The following LHFPL3 variants were observed in gnomAD, a reference collection of about 807,000 sequenced individuals.
The protein encoded by LHFPL3 is LHFPL tetraspan subfamily member 3.
Under a neutral mutation model 19.3 loss-of-function variants are expected in LHFPL3, and 5 were observed. The observed-to-expected ratio is 0.26, with a 90% CI of 0.14 to 0.54. The LOEUF is 0.54. Ranked by LOEUF, LHFPL3 falls within the 20% of genes least tolerant of loss-of-function variation. The pLI, the probability that LHFPL3 is intolerant of heterozygous loss-of-function variation, is 0.94. For synonymous variants in LHFPL3, 133 were observed against 126.2 expected (o/e 1.05, Z -0.36); for missense variants, 249 against 307.4 (o/e 0.81, Z 1.42).
At chr7:104,391,701 G>T (rs560317623) in intron 1 of LHFPL3, among the ~76,000 whole-genome samples, 8 of 152,276 alleles carry the variant, frequency 5.3e-5, no homozygotes, top group African/African-American at 1.9e-4. Flanking sequence ...CTTTAAAGTA[G>T]TTTTTTCCAA....
intron 2 of LHFPL3, among the ~76,000 whole-genome samples, chr7:104,846,491 A>T (rs558027204): frequency 6.6e-6 from 1 of 152,260 alleles, no homozygotes; most frequent in South Asian, 2.1e-4. Context: ...GTTTAGAAAC[A>T]GAATTCTAGA....
intron 1 of LHFPL3, among the ~76,000 whole-genome samples, chr7:104,332,260 C>G (rs1005594868): frequency 1.1e-4 from 13 of 114,122 alleles, no homozygotes; most frequent in African/African-American, 4.5e-4. Context: ...GATGGAGTCT[C>G]GCTCTGTCAC....
At chr7:104,362,705 C>T (rs1461847002) in intron 1 of LHFPL3, among the ~76,000 whole-genome samples, 2 of 152,158 alleles carry the variant, frequency 1.3e-5, no homozygotes, top group Non-Finnish European at 2.9e-5. Context: ...AATGGGAGAC[C>T]AGAGTTTTAT....
intron 1 of LHFPL3, among the ~76,000 whole-genome samples, chr7:104,690,569 G>A (rs188829653): frequency 2.0e-5 from 3 of 152,342 alleles, no homozygotes; most frequent in East Asian, 1.9e-4. Flanking sequence ...TTGCGTGCCA[G>A]GGGATAGGAA....
At chr7:104,764,997 G>C (rs2116381864) in intron 2 of LHFPL3, among the ~76,000 whole-genome samples, 1 of 152,270 alleles carries the variant, frequency 6.6e-6, no homozygotes, top group Admixed American at 6.5e-5. Flanking sequence ...TTGGAGTGAG[G>C]GTTGGGGAAG....
intron 2 of LHFPL3, among the ~76,000 whole-genome samples, chr7:104,778,075 G>A (rs1794660857): frequency 1.3e-5 from 2 of 152,204 alleles, no homozygotes; most frequent in Admixed American, 6.5e-5. Flanking sequence ...TGCTTTGGAA[G>A]AAGAAGAAGT....
intron 1 of LHFPL3, among the ~76,000 whole-genome samples, chr7:104,510,467 A>G (rs1793788289): frequency 6.6e-6 from 1 of 152,162 alleles, no homozygotes; most frequent in Non-Finnish European, 1.5e-5. Flanking sequence ...AACAAATGGT[A>G]CTGGAGCAAC....
At position 104,392,903 on chromosome 7, in the gene LHFPL3, G is replaced by C. The variant is rs1383880988; in HGVS notation, c.445+63679G>C. ...CTATTTAGGGATTCAACTTCTTCCTGGTTTAGTCTTGGGAGAGTGTATGTG... is the reference window on the plus strand; with the variant it reads ...CTATTTAGGGATTCAACTTCTTCCTCGTTTAGTCTTGGGAGAGTGTATGTG... On this transcript the variant is annotated intron_variant, in intron 1 of 2. Coordinates refer to ENST00000424859, the MANE Select transcript of LHFPL3 (RefSeq NM_199000.3). Among the ~76,000 whole-genome samples, 3 of 152,140 alleles carry C rather than the reference G, an allele frequency of 2.0e-5. No individual in the cohort carries two copies. In the East Asian group the frequency reaches 5.8e-4, roughly 29 times the overall value.
intron 1 of LHFPL3, among the ~76,000 whole-genome samples, chr7:104,352,922 G>A (rs1220172237): frequency 6.6e-6 from 1 of 152,122 alleles, no homozygotes; most frequent in Non-Finnish European, 1.5e-5. Context: ...AGAAAAACTC[G>A]AAAGTTGGCA....
At chr7:104,597,121 T>A (rs1331392769) in intron 1 of LHFPL3, among the ~76,000 whole-genome samples, 1 of 152,236 alleles carries the variant, frequency 6.6e-6, no homozygotes, top group Non-Finnish European at 1.5e-5. Context: ...ACAAATGGAT[T>A]CATAATGATG....
intron 1 of LHFPL3, among the ~76,000 whole-genome samples, chr7:104,434,418 G>T (rs1407882179): frequency 6.6e-6 from 1 of 152,162 alleles, no homozygotes; most frequent in African/African-American, 2.4e-5. Context: ...AATTTTTCTG[G>T]GGATGACATG....
rs147603892 is a variant in LHFPL3, at chr7:104,718,777, C to T, written c.446-17898C>T. Among the ~76,000 whole-genome samples the T allele has an allele frequency of 1.7e-3, 264 of 152,258 alleles. 1 individual carries two copies. Among genetic ancestry groups the T allele is most frequent in the African/African-American group, 5.7e-3 (238 of 41,576 alleles). Reference sequence around the variant, plus strand: ...ATAAGCTAAATAGTAGGTAACCACTCAATAATCTGGACCCAGGCTCCCTGT... The same window carrying T: ...ATAAGCTAAATAGTAGGTAACCACTTAATAATCTGGACCCAGGCTCCCTGT... On this transcript the variant is annotated intron_variant, in intron 1 of 2. Transcript: ENST00000424859.
At chr7:104,508,451 G>A (rs948755889) in intron 1 of LHFPL3, among the ~76,000 whole-genome samples, 23 of 115,972 alleles carry the variant, frequency 2.0e-4, no homozygotes, top group African/African-American at 7.5e-4. Flanking sequence ...ACACTCTGGG[G>A]ACTATTGTGG....
intron 1 of LHFPL3, among the ~76,000 whole-genome samples, chr7:104,590,127 A>G (rs1790677992): frequency 6.6e-6 from 1 of 151,786 alleles, no homozygotes; most frequent in South Asian, 2.1e-4. Context: ...TTCTGCTCTC[A>G]TCTTAGTTAT....
chr7:104,591,702 A>C (rs1161825738), intron 1 of LHFPL3, among the ~76,000 whole-genome samples: 1 of 152,150 alleles, frequency 6.6e-6, no homozygotes, highest in Non-Finnish European at 1.5e-5. Context: ...TAATGTCCTG[A>C]AGAGTGTTTT....
chr7:104,724,531 C>A (rs1032441152), intron 1 of LHFPL3, among the ~76,000 whole-genome samples: 3 of 152,076 alleles, frequency 2.0e-5, no homozygotes, highest in African/African-American at 7.2e-5. Flanking sequence ...GGGATAAAGT[C>A]TTTCACTTTA....
At chr7:104,553,156 T>C (rs1170587746) in intron 1 of LHFPL3, among the ~76,000 whole-genome samples, 2 of 152,210 alleles carry the variant, frequency 1.3e-5, no homozygotes, top group Non-Finnish European at 2.9e-5. Flanking sequence ...TATTTTGATC[T>C]TGAATCTAAA....
At chr7:104,650,937 C>T (rs1298856172) in intron 1 of LHFPL3, among the ~76,000 whole-genome samples, 1 of 152,184 alleles carries the variant, frequency 6.6e-6, no homozygotes, top group African/African-American at 2.4e-5. Context: ...TCAGACTCAA[C>T]AGTGACTTGC....
chr7:104,760,839 C>G (rs555566029), intron 2 of LHFPL3, among the ~76,000 whole-genome samples: 1 of 151,940 alleles, frequency 6.6e-6, no homozygotes, highest in South Asian at 2.1e-4. Flanking sequence ...CCTTTCCATT[C>G]TTGCAAGGTA....
Sources: allele counts gnomAD v4.1 joint callset (sites outside exome capture counted in the v4.1 genomes callset), GRCh38; gene constraint gnomAD v4.1.1; transcripts MANE v1.5; gene names NCBI Gene and HGNC (gene_info 2026-07-23, HGNC 2026-07-21).